Variants in SAMD9L observed in about 807,000 individuals in gnomAD.
The protein encoded by SAMD9L is sterile alpha motif domain-containing protein 9-like.
Under a neutral mutation model 90.7 loss-of-function variants are expected in SAMD9L, and 68 were observed. The ratio of observed to expected loss-of-function variants is 0.75; its 90% CI spans 0.62 to 0.92. The LOEUF (loss-of-function observed/expected upper bound fraction) is 0.92. SAMD9L is among the 40% of genes least tolerant of loss of function. The pLI is 0.00. For synonymous variants in SAMD9L, 640 were observed against 630.1 expected (o/e 1.02, Z -0.23); for missense variants, 1,604 against 1,824.3 (o/e 0.88, Z 2.20).
At chr7:93,142,436 C>T (rs538952341) in intron 4 of SAMD9L, among the ~76,000 whole-genome samples, 29 of 152,226 alleles carry the variant, frequency 1.9e-4, no homozygotes, top group Non-Finnish European at 2.9e-4. Context: ...ATGTTGTCAT[C>T]GATGAGACCA....
At chr7:93,136,331 G>A (rs965114749) in intron 4 of SAMD9L, among the ~76,000 whole-genome samples, 2 of 152,124 alleles carry the variant, frequency 1.3e-5, no homozygotes, top group Non-Finnish European at 2.9e-5. Context: ...ATAGAAATTG[G>A]TTTCCGTAGC....
intron 4 of SAMD9L, 92 bp from the exon 5 acceptor site, chr7:93,136,083 A>G: frequency 1.2e-6 from 1 of 807,442 alleles, no homozygotes; most frequent in South Asian, 2.4e-5. Flanking sequence ...TACAGAAGAT[A>G]CATATATATA....
intron 1 of SAMD9L, among the ~76,000 whole-genome samples, chr7:93,147,627 T>C (rs557194763): frequency 1.8e-4 from 27 of 152,220 alleles, no homozygotes; most frequent in Non-Finnish European, 3.1e-4. Context: ...CCTTGCATAG[T>C]CTGGCAGACA....
Position 93,133,406 on chromosome 7 carries a change from C to T in SAMD9L, c.2566G>A (p.Ala856Thr), listed in dbSNP as rs1490343423. ...TTGGAAGAAAGTTGGTAATTTAGTGCAATACTGTCTGCCAATTTTGCACTT... is the reference window on the plus strand; with the variant it reads ...TTGGAAGAAAGTTGGTAATTTAGTGTAATACTGTCTGCCAATTTTGCACTT... ...DESAKLADSI[A>T]LNYQLSSKEQ... The change falls in exon 5 of 5, where the codon GCA becomes ACA. Residue 856 changes from alanine (A) to threonine (T), a missense_variant. This residue lies in a region of SAMD9L where 606 missense variants were observed against 717.6 expected (regional missense o/e 0.84). Coordinates refer to ENST00000318238, the MANE Select transcript of SAMD9L (RefSeq NM_152703.5). 5 of 1,613,636 alleles carry T rather than the reference C, an allele frequency of 3.1e-6. No individual in the cohort carries two copies. Among genetic ancestry groups the T allele is most frequent in the Non-Finnish European group, 4.2e-6 (5 of 1,179,638 alleles).
chr7:93,143,656 C>T (rs1792782628), intron 4 of SAMD9L, among the ~76,000 whole-genome samples: 1 of 152,198 alleles, frequency 6.6e-6, no homozygotes, highest in Non-Finnish European at 1.5e-5. Flanking sequence ...TAACATATAA[C>T]ATAAAAATAT....
At position 93,134,941 on chromosome 7, in the gene SAMD9L, C is replaced by T. The variant is rs1489458535; in HGVS notation, c.1031G>A (p.Arg344Lys). The T allele has an allele frequency of 6.2e-7, 1 of 1,613,642 alleles. No individual in the cohort carries two copies. The highest frequency in any genetic ancestry group is 1.3e-5 in the African/African-American group (1 of 74,908). ...GATATCCCTAGAGCTAGCCCCTTCT[C>T]TTACAAACAGTGAAAGATTTTGGTT... ...KQNQNLSLFV[R>K]EGASSRDILA... The change falls in exon 5 of 5, where the codon AGA (arginine) becomes AAA (lysine). Residue 344 changes from arginine (R) to lysine (K), a missense_variant. Arg to Lys is a conservative substitution (Grantham distance 26, BLOSUM62 2). Around this residue, in one of 7 missense-constraint regions of SAMD9L, gnomAD observed 374 missense variants for 363.6 expected, o/e 1.03. Coordinates refer to ENST00000318238, the MANE Select transcript of SAMD9L (RefSeq NM_152703.5).
intron 4 of SAMD9L, among the ~76,000 whole-genome samples, chr7:93,136,719 T>C (rs1273149081): frequency 6.6e-6 from 1 of 152,216 alleles, no homozygotes. Flanking sequence ...ACTATGTACT[T>C]TGATGAATGG....
At chr7:93,143,264 C>T (rs1487128258) in intron 4 of SAMD9L, among the ~76,000 whole-genome samples, 1 of 152,184 alleles carries the variant, frequency 6.6e-6, no homozygotes, top group Admixed American at 6.5e-5. Flanking sequence ...GATAAAGACT[C>T]CACACCCTGA....
chr7:93,135,177 A>G lies in SAMD9L; in HGVS notation c.795T>C (p.Asn265=), dbSNP rs369307541. ...TSKAAFIDHF[N]VMIKKYFEES... ...CTTCAAAATACTTTTTGATCATTACATTGAAGTGGTCAATGAAGGCAGCCT... is the reference window on the plus strand; with the variant it reads ...CTTCAAAATACTTTTTGATCATTACGTTGAAGTGGTCAATGAAGGCAGCCT... Residue 265 remains asparagine, a synonymous_variant, in exon 5 of 5, where the codon AAT becomes AAC. Transcript: ENST00000318238. The G allele has an allele frequency of 6.8e-6, 11 of 1,613,688 alleles. No homozygotes were observed. Among genetic ancestry groups the G allele is most frequent in the East Asian group, 4.5e-5 (2 of 44,886 alleles).
chr7:93,146,786 T>A (rs1792907868), intron 2 of SAMD9L, 97 bp downstream of exon 2: 1 of 152,154 alleles, frequency 6.6e-6, no homozygotes, highest in Admixed American at 6.5e-5. Context: ...TCACAAATAA[T>A]GAAAAGGAAG....
At chr7:93,143,490 C>T (rs1177380926) in intron 4 of SAMD9L, among the ~76,000 whole-genome samples, 1 of 152,178 alleles carries the variant, frequency 6.6e-6, no homozygotes. Flanking sequence ...TCTCATCAAA[C>T]CTACAACACC....
chr7:93,132,550 C>T lies in SAMD9L; in HGVS notation c.3422G>A (p.Cys1141Tyr), dbSNP rs1338248440. 6.2e-7 allele frequency: 1 copy of T among 1,613,882 alleles called. No homozygotes were observed. Among genetic ancestry groups the T allele is most frequent in the East Asian group, 2.2e-5 (1 of 44,870 alleles). ...TAGGTCATTAACAGTAATGCTCCTA[C>T]AGTTTTTGTTCCCATCCAACCACCA... The part of the protein sequence containing the change: ...IKWWLDGNKN[C>Y]RSITVNDLTH... Residue 1141 changes from cysteine (C) to tyrosine (Y), a missense_variant, in exon 5 of 5, where the codon TGT becomes TAT. By Grantham distance (194) the Cys-to-Tyr change is radical. Around this residue, in one of 7 missense-constraint regions of SAMD9L, gnomAD observed 302 missense variants for 314.7 expected, o/e 0.96. Coordinates refer to ENST00000318238, the MANE Select transcript of SAMD9L (RefSeq NM_152703.5).
Position 93,131,976 on chromosome 7 carries a change from T to C in SAMD9L, c.3996A>G (p.Leu1332=). 1 of 1,612,004 alleles carries C rather than the reference T, an allele frequency of 6.2e-7. No homozygotes were observed. Among genetic ancestry groups the C allele is most frequent in the Non-Finnish European group, 8.5e-7 (1 of 1,179,420 alleles). The change falls in exon 5 of 5, where the codon CTA becomes CTG. Residue 1332 remains leucine (L), a synonymous_variant. Transcript: ENST00000318238. ...CAAACCTATCTGCTCTCAGAGCTTC[T>C]AGCTTTTTCCTGCAATTCTCCTCCT... The part of the protein sequence containing the change: ...LLQEENCRKK[L]EALRADRFAG...
rs952858544 is a variant in SAMD9L at position 93,130,948 on chromosome 7, G to C, written c.*269C>G. ...ATTGCCCTATAGACAGTTATGATGT[G>C]ACCAGTGGATATCAATGAAACTTCT... is the stretch of plus-strand genomic sequence containing the variant. On this transcript the variant is annotated 3_prime_UTR_variant, in exon 5 of 5. Coordinates refer to ENST00000318238, the MANE Select transcript of SAMD9L (RefSeq NM_152703.5). The C allele has an allele frequency of 9.5e-5, 31 of 324,942 alleles. No homozygotes were observed. Among genetic ancestry groups the C allele is most frequent in the Admixed American group, 2.7e-4 (6 of 22,124 alleles). The allele number at this position is 324,942 out of a possible 1,614,324, so 20.1% of individuals were successfully genotyped here. A position where few individuals can be genotyped will look rare whatever the true frequency, so the allele number is the denominator to read the frequency against.
At chr7:93,137,734 G>GTCTTTT (rs1562798349) in intron 4 of SAMD9L, among the ~76,000 whole-genome samples, 1 of 121,942 alleles carries the variant, frequency 8.2e-6, no homozygotes, top group Non-Finnish European at 1.7e-5. Context: ...AGGAACCTAA[G>GTCTTTT]TTTTTTTTTT....
Position 93,134,294 on chromosome 7 carries a change from G to C in SAMD9L, c.1678C>G (p.Leu560Val). The change falls in exon 5 of 5, where the codon CTC becomes GTC. Residue 560 changes from leucine to valine, a missense_variant. By Grantham distance (32) the Leu-to-Val change is conservative. Around this residue, in one of 7 missense-constraint regions of SAMD9L, gnomAD observed 606 missense variants for 717.6 expected, o/e 0.84. Transcript: ENST00000318238. ...TAGAAAGCCCAGAAAGTTTCAATGA[G>C]TGGATCTCCTGGGCTTTCCACTGAA... ...LSSVESPGDP[L>V]IETFWAFYQA... 6.2e-7 allele frequency: 1 copy of C among 1,613,362 alleles called. No homozygotes were observed. Among genetic ancestry groups the C allele is most frequent in the Non-Finnish European group, 8.5e-7 (1 of 1,179,804 alleles).
rs1365390492 is a variant in SAMD9L at position 93,145,638 on chromosome 7, A to G, written c.-376T>C. On this transcript the variant is annotated 5_prime_UTR_variant, in exon 3 of 5. Transcript: ENST00000318238. ...ATCACAACCAATTAAAATGCAATAGACTGGACTGCTGCTGAGGAAATGTTT... is the reference window on the plus strand; with the variant it reads ...ATCACAACCAATTAAAATGCAATAGGCTGGACTGCTGCTGAGGAAATGTTT... The G allele has an allele frequency of 6.6e-6, 1 of 152,216 alleles. No individual in the cohort carries two copies. The highest frequency in any genetic ancestry group is 1.9e-4 in the East Asian group (1 of 5,200). The allele number at this position is 152,216 out of a possible 1,614,324, so 9.4% of individuals were successfully genotyped here.
chr7:93,138,550 T>C (rs957306026), intron 4 of SAMD9L, among the ~76,000 whole-genome samples: 1 of 152,096 alleles, frequency 6.6e-6, no homozygotes, highest in African/African-American at 2.4e-5. Context: ...GTGGGAACAT[T>C]GGGCAGGTGA....
chr7:93,132,896 T>G lies in SAMD9L; in HGVS notation c.3076A>C (p.Ile1026Leu), dbSNP rs760312321. Residue 1026 changes from isoleucine to leucine, a missense_variant, in exon 5 of 5, where the codon ATA becomes CTA. Physicochemically the swap from Ile to Leu is conservative, Grantham distance 5 (BLOSUM62 2). Transcript: ENST00000318238. ...TCATGTTGAAATTTGTCTCTTCCTA[T>G]TCCAGAATCATAGAATAAATTCTCT... is the stretch of plus-strand genomic sequence containing the variant. ...LEENLFYDSGIGRDKFQHDVQ... is the reference protein window; with the variant it reads ...LEENLFYDSGLGRDKFQHDVQ... The G allele has an allele frequency of 9.3e-6, 15 of 1,613,604 alleles. No individual in the cohort carries two copies. The highest frequency in any genetic ancestry group is 1.3e-5 in the Non-Finnish European group (15 of 1,179,670).
Sources: allele counts gnomAD v4.1 joint callset (sites outside exome capture counted in the v4.1 genomes callset), GRCh38; gene constraint gnomAD v4.1.1; regional missense constraint gnomAD v4.1.1; transcripts MANE v1.5; gene names NCBI Gene and HGNC (gene_info 2026-07-23, HGNC 2026-07-21).